LIPI: variants seen among roughly 807,000 people sequenced by gnomAD.
The protein encoded by LIPI is lipase member I.
A neutral mutation model predicts 50.6 loss-of-function variants in LIPI; 59 were observed. The ratio of observed to expected loss-of-function variants is 1.16; its 90% CI spans 0.94 to 1.45. The LOEUF (loss-of-function observed/expected upper bound fraction) is 1.45. LIPI is among the 40% of genes most tolerant of loss of function. The pLI, the probability that LIPI is intolerant of heterozygous loss-of-function variation, is 0.00. For missense variants in LIPI, 586 were observed against 536.3 expected, an observed-to-expected ratio of 1.09 and a Z score of -0.92; for synonymous variants, 203 against 178.2, an observed-to-expected ratio of 1.14 and a Z score of -1.11.
intron 4 of LIPI, among the ~76,000 whole-genome samples, chr21:14,173,212 A>T (rs2018981673): frequency 6.6e-6 from 1 of 152,202 alleles, no homozygotes; most frequent in African/African-American, 2.4e-5. Flanking sequence ...GGAGCTTCGG[A>T]GCAAAGGAAG....
In LIPI at chr21:14,210,871, G is replaced by C. The variant is rs1436800960; in HGVS notation, c.-26C>G. 2 of 1,215,866 alleles carry C rather than the reference G, an allele frequency of 1.6e-6. No individual in the cohort carries two copies. The highest frequency in any genetic ancestry group is 1.0e-6 in the Non-Finnish European group (1 of 954,888). The allele number at this position is 1,215,866 out of a possible 1,614,324, so 75.3% of individuals were successfully genotyped here. A position where few individuals can be genotyped will look rare whatever the true frequency, so the allele number is the denominator to read the frequency against. On this transcript the variant is annotated 5_prime_UTR_variant, in exon 1 of 10. Coordinates refer to ENST00000681601, the MANE Select transcript of LIPI (RefSeq NM_001302998.2). ...TTGGAATCTGAGAAAAGCAAAAACA[G>C]CACTCAATTCACCAAAAAGGAAATT...
Position 14,210,887 on chromosome 21 carries a change from A to T in LIPI, c.-42T>A. 1 of 1,194,312 alleles carries T rather than the reference A, an allele frequency of 8.4e-7. No individual in the cohort carries two copies. Among genetic ancestry groups the T allele is most frequent in the South Asian group, 1.6e-5 (1 of 63,862 alleles). 74.0% of individuals were successfully genotyped at this position (1,194,312 alleles called of 1,614,324 possible). The stretch of plus-strand genomic sequence containing the variant: ...GCAAAAACAGCACTCAATTCACCAA[A>T]AAGGAAATTCCGTAACTCATTGAGG... On this transcript the variant is annotated 5_prime_UTR_variant, in exon 1 of 10. Coordinates refer to ENST00000681601, the MANE Select transcript of LIPI (RefSeq NM_001302998.2).
Position 14,115,039 on chromosome 21 carries a change from A to G in LIPI, c.1296-5959T>C, listed in dbSNP as rs529679203. Among the ~76,000 whole-genome samples the G allele has an allele frequency of 4.3e-4, 65 of 152,322 alleles. 2 individuals carry two copies. The highest frequency in any genetic ancestry group is 8.3e-4 in the South Asian group (4 of 4,820). ...GAAGGAATTCATGAATTTTACAAGT[A>G]TAATCAAAGACAACCAAGACATTTT... On this transcript the variant is annotated intron_variant, in intron 9 of 9. Transcript: ENST00000681601.
intron 9 of LIPI, among the ~76,000 whole-genome samples, chr21:14,133,012 C>CACAACA (rs201205095): frequency 7.6e-4 from 115 of 151,938 alleles, no homozygotes; most frequent in African/African-American, 2.7e-3. Context: ...AATAAAATCT[C>CACAACA]ACAACAACAA....
At chr21:14,154,105 G>T (rs187832463) in intron 7 of LIPI, among the ~76,000 whole-genome samples, 12 of 151,520 alleles carry the variant, frequency 7.9e-5, no homozygotes, top group Admixed American at 6.6e-4. Flanking sequence ...GCACAAATAG[G>T]TTTTTTTTAA....
intron 4 of LIPI, among the ~76,000 whole-genome samples, chr21:14,176,896 C>T (rs1600902405): frequency 6.6e-6 from 1 of 151,794 alleles, no homozygotes; most frequent in Non-Finnish European, 1.5e-5. Flanking sequence ...CCGTTAACGC[C>T]TCATTTACAT....
At chr21:14,160,475 T>A (rs1263967401) in intron 7 of LIPI, among the ~76,000 whole-genome samples, 1 of 150,304 alleles carries the variant, frequency 6.7e-6, no homozygotes, top group Non-Finnish European at 1.5e-5. Context: ...CAAATGATGC[T>A]GGAGCTATAA....
rs1052480530 is a variant in LIPI at position 14,109,086 on chromosome 21, A to G, written c.1296-6T>C. On this transcript the variant is annotated splice_polypyrimidine_tract_variant and splice_region_variant and intron_variant, in intron 9 of 9. Transcript: ENST00000681601. ...TATACCTGCAAAGTGGTGGTCTGAG[A>G]AAGAGAAAAATGGAGAGAACAAAAA... 6.3e-7 allele frequency: 1 copy of G among 1,587,494 alleles called. No individual in the cohort carries two copies.
intron 4 of LIPI, among the ~76,000 whole-genome samples, chr21:14,177,002 G>A (rs1191502496): frequency 6.6e-6 from 1 of 151,986 alleles, no homozygotes; most frequent in African/African-American, 2.4e-5. Context: ...TGTAAATTCT[G>A]CAGTTCTCAG....
chr21:14,166,507 G>C lies in LIPI; in HGVS notation c.644-56C>G, dbSNP rs1385992097. 4 of 908,230 alleles carry C rather than the reference G, an allele frequency of 4.4e-6. No homozygotes were observed. The African/African-American group carries it at 6.5e-5, about 15-fold the overall frequency. 56.3% of individuals were successfully genotyped at this position (908,230 alleles called of 1,614,324 possible). ...ATGTATATAATCAGGTGAGTATCTTGCATAAAACAAAATAGCCTATAAAAT... is the reference window on the plus strand; with the variant it reads ...ATGTATATAATCAGGTGAGTATCTTCCATAAAACAAAATAGCCTATAAAAT... On this transcript the variant is annotated intron_variant, in intron 4 of 9. Transcript: ENST00000681601.
At chr21:14,204,403 A>G (rs905875172) in intron 1 of LIPI, among the ~76,000 whole-genome samples, 1 of 152,034 alleles carries the variant, frequency 6.6e-6, no homozygotes, top group Non-Finnish European at 1.5e-5. Flanking sequence ...TTAAAAATAC[A>G]GTACTGAAAT....
intron 7 of LIPI, among the ~76,000 whole-genome samples, chr21:14,158,053 G>A (rs975332195): frequency 6.6e-6 from 1 of 151,782 alleles, no homozygotes; most frequent in African/African-American, 2.4e-5. Flanking sequence ...TATCTGTTGA[G>A]TTTAGAGGAG....
chr21:14,110,148 T>A (rs1332860574), intron 9 of LIPI, among the ~76,000 whole-genome samples: 1 of 151,726 alleles, frequency 6.6e-6, no homozygotes, highest in African/African-American at 2.4e-5. Context: ...GTAATAAAAA[T>A]TTTTTATGAA....
intron 7 of LIPI, among the ~76,000 whole-genome samples, chr21:14,155,742 G>A (rs937288054): frequency 6.6e-6 from 1 of 151,940 alleles, no homozygotes; most frequent in Non-Finnish European, 1.5e-5. Flanking sequence ...TGAGAATGAA[G>A]GGGAAATAGA....
intron 4 of LIPI, 91 bp downstream of exon 4, chr21:14,181,667 A>G (rs756485774): frequency 4.2e-6 from 3 of 717,494 alleles, no homozygotes; most frequent in Non-Finnish European, 7.6e-6. Context: ...TTTATCCATG[A>G]TGTTTTTTCT....
In LIPI at chr21:14,190,792, G is replaced by C. The variant is rs1430605279; in HGVS notation, c.47-1373C>G. Among the ~76,000 whole-genome samples, 7 of 152,254 alleles carry C rather than the reference G, an allele frequency of 4.6e-5. No homozygotes were observed. In the East Asian group the frequency reaches 1.4e-3, roughly 29 times the overall value. On this transcript the variant is annotated intron_variant, in intron 1 of 9. Coordinates refer to ENST00000681601, the MANE Select transcript of LIPI (RefSeq NM_001302998.2). ...ATGCTACACCGTGCAAATTGTGTGG[G>C]AAATCTATACATCCACCTTCTCACC...
chr21:14,122,418 C>T (rs541675308), intron 9 of LIPI, among the ~76,000 whole-genome samples: 24 of 152,250 alleles, frequency 1.6e-4, no homozygotes, highest in Non-Finnish European at 2.9e-4. Flanking sequence ...ATCCTAATAA[C>T]GTTGGAACTG....
rs530277498 is a variant in LIPI at position 14,113,566 on chromosome 21, C to T, written c.1296-4486G>A. ...ACTGTTGTACTATCAAATATTAGATCTTACTTCAAGTAGCCAAAAATACTT... is the reference window on the plus strand; with the variant it reads ...ACTGTTGTACTATCAAATATTAGATTTTACTTCAAGTAGCCAAAAATACTT... On this transcript the variant is annotated intron_variant, in intron 9 of 9. Transcript: ENST00000681601. Among the ~76,000 whole-genome samples, 6 of 152,186 alleles carry T rather than the reference C, an allele frequency of 3.9e-5. No individual in the cohort carries two copies. The East Asian group carries it at 1.2e-3, about 29-fold the overall frequency.
chr21:14,178,796 AACATTT>A (rs773741529), intron 4 of LIPI, among the ~76,000 whole-genome samples: 3 of 152,136 alleles, frequency 2.0e-5, no homozygotes, highest in Non-Finnish European at 4.4e-5. Flanking sequence ...TTGGATGCTA[AACATTT>A]ATTTTAATAT....
Sources: gnomAD v4.1 joint callset for allele counts (sites outside exome capture counted in the v4.1 genomes callset) on GRCh38, gnomAD v4.1.1 for gene constraint, MANE v1.5 for transcripts, NCBI Gene and HGNC (gene_info 2026-07-23, HGNC 2026-07-21) for gene names.